Variants in ZFPM1 observed in about 807,000 individuals in gnomAD.
The protein encoded by ZFPM1 is zinc finger protein ZFPM1.
In ZFPM1, 28 loss-of-function variants were observed where a neutral mutation model predicts 46.3. The observed-to-expected ratio is 0.60, with a 90% CI of 0.45 to 0.83. The LOEUF (loss-of-function observed/expected upper bound fraction) is 0.83. Ranked by LOEUF, ZFPM1 falls within the 40% of genes least tolerant of loss-of-function variation. The pLI is 0.00. For missense variants in ZFPM1, 1,878 were observed against 1,432.4 expected, an observed-to-expected ratio of 1.31 and a Z score of -5.02; for synonymous variants, 957 against 675.9, an observed-to-expected ratio of 1.42 and a Z score of -6.45.
intron 1 of ZFPM1, among the ~76,000 whole-genome samples, chr16:88,460,073 C>T (rs78482279): frequency 0.023 from 3,455 of 151,914 alleles, 122 homozygotes; most frequent in African/African-American, 0.079. Flanking sequence ...GCTGTGTGGC[C>T]TTGGCATACT....
Position 88,533,742 on chromosome 16 carries a change from A to G in ZFPM1, c.1784A>G (p.His595Arg). ...AGCAACGTCAACAACTACTACGTGCACAAGCGCCTCTACTGTTCAGGCCGC... is the reference window on the plus strand; with the variant it reads ...AGCAACGTCAACAACTACTACGTGCGCAAGCGCCTCTACTGTTCAGGCCGC... ...TFSNVNNYYVHKRLYCSGRRA... is the reference protein window; with the variant it reads ...TFSNVNNYYVRKRLYCSGRRA... Residue 595 changes from histidine (H) to arginine (R), a missense_variant, in exon 10 of 10, where the codon CAC becomes CGC. Physicochemically the swap from His to Arg is conservative, Grantham distance 29. Transcript: ENST00000319555. 6.7e-7 allele frequency: 1 copy of G among 1,502,130 alleles called. No homozygotes were observed. Among genetic ancestry groups the G allele is most frequent in the Non-Finnish European group, 8.9e-7 (1 of 1,119,148 alleles). The allele number at this position is 1,502,130 out of a possible 1,614,324, so 93.1% of individuals were successfully genotyped here.
At chr16:88,482,570 G>C (rs1169571411) in intron 1 of ZFPM1, among the ~76,000 whole-genome samples, 1 of 152,150 alleles carries the variant, frequency 6.6e-6, no homozygotes, top group Non-Finnish European at 1.5e-5. Context: ...GGCCCACCTG[G>C]GTGGGGTATG....
At position 88,469,794 on chromosome 16, in the gene ZFPM1, G is replaced by A. The variant is rs923529996; in HGVS notation, c.40+16116G>A. Among the ~76,000 whole-genome samples the A allele has an allele frequency of 8.5e-5, 13 of 152,112 alleles. No homozygotes were observed. The highest frequency in any genetic ancestry group is 3.1e-4 in the African/African-American group (13 of 41,428). On this transcript the variant is annotated intron_variant, in intron 1 of 9. Transcript: ENST00000319555. This position sits in a 1 kb window ranked among gnomAD's most constrained non-coding sequence, Gnocchi z 4.3. The stretch of plus-strand genomic sequence containing the variant: ...AGTCTGGGCTGAGATCTAAGGAGAG[G>A]AAGTAGGGAGGGGCCGTCCGACCAG...
Position 88,468,254 on chromosome 16 carries a change from C to A in ZFPM1, c.40+14576C>A, listed in dbSNP as rs553495276. ...AGCACCCGCGAGCCCACCGTCCCGA[C>A]GCACCCGCGAGCCCACTGCCTGCGG... On this transcript the variant is annotated intron_variant, in intron 1 of 9. Transcript: ENST00000319555. Among the ~76,000 whole-genome samples the A allele has an allele frequency of 3.2e-3, 487 of 150,682 alleles. 7 individuals carry two copies. Among genetic ancestry groups the A allele is most frequent in the African/African-American group, 0.011 (453 of 40,490 alleles).
chr16:88,481,134 G>A (rs759071790), intron 1 of ZFPM1, among the ~76,000 whole-genome samples: 19 of 152,230 alleles, frequency 1.2e-4, no homozygotes, highest in African/African-American at 2.4e-4. Flanking sequence ...ACGGATGGGC[G>A]CACGGGTGTC....
intron 1 of ZFPM1, among the ~76,000 whole-genome samples, chr16:88,455,858 G>C (rs888628046): frequency 6.6e-6 from 1 of 152,232 alleles, no homozygotes; most frequent in Non-Finnish European, 1.5e-5. Context: ...CCGACGGGGA[G>C]CGCGGGGCCG....
intron 1 of ZFPM1, among the ~76,000 whole-genome samples, chr16:88,461,761 G>A (rs556219788): frequency 1.1e-4 from 17 of 152,226 alleles, no homozygotes; most frequent in African/African-American, 2.4e-4. Flanking sequence ...AGTGTGCCAC[G>A]CCCTGGACTG....
rs1018546147 is a variant in ZFPM1 at position 88,535,270 on chromosome 16, C to T, written c.*291C>T. On this transcript the variant is annotated 3_prime_UTR_variant, in exon 10 of 10. Coordinates refer to ENST00000319555, the MANE Select transcript of ZFPM1 (RefSeq NM_153813.3). ...GCCACTGCGGCCCGGAGTGGCTGGG[C>T]CCCTGCCGGAGTTACACCACTGGGT... 1.1e-5 allele frequency: 3 copies of T among 261,864 alleles called. No homozygotes were observed. The highest frequency in any genetic ancestry group is 4.4e-5 in the African/African-American group (2 of 44,944). 16.2% of individuals were successfully genotyped at this position (261,864 alleles called of 1,614,324 possible).
At chr16:88,524,334 C>T (rs976668131) in intron 4 of ZFPM1, among the ~76,000 whole-genome samples, 22 of 152,180 alleles carry the variant, frequency 1.4e-4, no homozygotes, top group African/African-American at 5.1e-4. Context: ...TGCCCATTGC[C>T]CCTGGGGTTT....
chr16:88,534,621 CG>C lies in ZFPM1; in HGVS notation c.2668del (p.Val890SerfsTer116). The C allele has an allele frequency of 8.9e-7, 1 of 1,125,048 alleles. No homozygotes were observed. Among genetic ancestry groups the C allele is most frequent in the Non-Finnish European group, 1.1e-6 (1 of 920,828 alleles). 69.7% of individuals were successfully genotyped at this position (1,125,048 alleles called of 1,614,324 possible). On this transcript the variant is annotated frameshift_variant, in exon 10 of 10. Coordinates refer to ENST00000319555, the MANE Select transcript of ZFPM1 (RefSeq NM_153813.3). LOFTEE classifies it low-confidence loss of function (END_TRUNC). ...GLLLGAPLAG[P>X]GVEARTPADR... ...CTGCTCGGCGCGCCCCTGGCCGGCC[CG>C]GGGGTCGAGGCCCGGACGCCGGCCG...
rs764706785 is a variant in ZFPM1, at chr16:88,533,792, G to C, written c.1834G>C (p.Ala612Pro). The change falls in exon 10 of 10, where the codon GCG becomes CCG. Residue 612 changes from alanine (A) to proline (P), a missense_variant. Physicochemically the swap from Ala to Pro is conservative, Grantham distance 27 (BLOSUM62 -1). Coordinates refer to ENST00000319555, the MANE Select transcript of ZFPM1 (RefSeq NM_153813.3). The part of the protein sequence containing the change: ...GRRAPEDAPA[A>P]RRPKAPPGPA... ...CCGTGCGCCCGAGGACGCGCCTGCC[G>C]CGCGCAGGCCCAAGGCGCCCCCCGG... 17 of 1,285,538 alleles carry C rather than the reference G, an allele frequency of 1.3e-5. No homozygotes were observed. The highest frequency in any genetic ancestry group is 3.0e-4 in the Middle Eastern group (1 of 3,342). The allele number at this position is 1,285,538 out of a possible 1,614,324, so 79.6% of individuals were successfully genotyped here.
intron 1 of ZFPM1, among the ~76,000 whole-genome samples, chr16:88,476,334 G>A (rs1016276497): frequency 4.6e-5 from 7 of 152,318 alleles, no homozygotes; most frequent in East Asian, 1.9e-4. Flanking sequence ...GACCCTTCCC[G>A]TGTCCATCAG....
At chr16:88,483,660 A>T (rs1490334880) in intron 1 of ZFPM1, among the ~76,000 whole-genome samples, 1 of 152,178 alleles carries the variant, frequency 6.6e-6, no homozygotes, top group Non-Finnish European at 1.5e-5. Flanking sequence ...CTGTCCCCAC[A>T]GTGGCCCGGA....
intron 1 of ZFPM1, among the ~76,000 whole-genome samples, chr16:88,455,809 C>T (rs1023364659): frequency 1.3e-5 from 2 of 152,250 alleles, no homozygotes; most frequent in Admixed American, 1.3e-4. Context: ...GGGAGCGCGG[C>T]CTTGGCCGGC....
At chr16:88,509,115 C>T (rs979974116) in intron 3 of ZFPM1, among the ~76,000 whole-genome samples, 1 of 152,210 alleles carries the variant, frequency 6.6e-6, no homozygotes, top group Non-Finnish European at 1.5e-5. Context: ...TTCTCGGGGC[C>T]CACGTGGTCT....
At chr16:88,488,007 G>A (rs969224392) in intron 2 of ZFPM1, among the ~76,000 whole-genome samples, 12 of 152,236 alleles carry the variant, frequency 7.9e-5, no homozygotes, top group South Asian at 6.2e-4. Context: ...GGCCAGTCCC[G>A]GGGCCGGGCT....
chr16:88,452,839 G>A (rs1320676480), upstream of ZFPM1, among the ~76,000 whole-genome samples: 1 of 152,224 alleles, frequency 6.6e-6, no homozygotes, highest in Admixed American at 6.5e-5. Flanking sequence ...CGCAGGATGC[G>A]GTGCCGCGGG....
intron 3 of ZFPM1, among the ~76,000 whole-genome samples, chr16:88,502,423 T>A (rs4782371): frequency 6.6e-6 from 1 of 151,876 alleles, no homozygotes; most frequent in Admixed American, 6.5e-5. Flanking sequence ...GCCTCTGTGC[T>A]TGCCCCTCCA....
intron 1 of ZFPM1, 35 bp from the exon 2 acceptor site, chr16:88,485,897 CCCCAGAG>C: frequency 1.9e-6 from 3 of 1,586,074 alleles, no homozygotes; most frequent in Non-Finnish European, 2.6e-6. Flanking sequence ...GGAGCTGTCC[CCCCAGAG>C]CTCCTCCCGA....
Sources: allele counts gnomAD v4.1 joint callset (sites outside exome capture counted in the v4.1 genomes callset), GRCh38; gene constraint gnomAD v4.1.1; non-coding constraint Gnocchi (gnomAD v3.1); transcripts MANE v1.5; gene names NCBI Gene and HGNC (gene_info 2026-07-23, HGNC 2026-07-21).